The following SRSF12 variants were observed in gnomAD, a reference collection of about 807,000 sequenced individuals.
The protein encoded by SRSF12 is serine and arginine rich splicing factor 12, also known as serine/arginine-rich splicing factor 12.
A neutral mutation model predicts 34.1 loss-of-function variants in SRSF12; 21 were observed. The observed-to-expected ratio is 0.62, with a 90% CI of 0.44 to 0.89. The LOEUF is 0.89. Ranked by LOEUF, SRSF12 falls within the 40% of genes least tolerant of loss-of-function variation. The pLI is 0.00. For synonymous variants in SRSF12, 111 were observed against 110.8 expected, an observed-to-expected ratio of 1.00 and a Z score of -0.01; for missense variants, 278 against 327.8, an observed-to-expected ratio of 0.85 and a Z score of 1.17.
At position 89,096,220 on chromosome 6, in the gene SRSF12, G is replaced by GCAAAAGACATAGGAACAGCAGT. The variant is rs1206498344; in HGVS notation, c.*2336_*2357dup. 1 of 152,038 alleles carries GCAAAAGACATAGGAACAGCAGT rather than the reference G, an allele frequency of 6.6e-6. No individual in the cohort carries two copies. The highest frequency in any genetic ancestry group is 2.4e-5 in the African/African-American group (1 of 41,394). The allele number at this position is 152,038 out of a possible 1,614,324, so 9.4% of individuals were successfully genotyped here. ...ATATACCTGTCAAAGACTTCTCTTT[G>GCAAAAGACATAGGAACAGCAGT]CAAAAGACATAGGAACAGCAGTCAG... On this transcript the variant is annotated 3_prime_UTR_variant, in exon 5 of 5. Coordinates refer to ENST00000452027, the MANE Select transcript of SRSF12 (RefSeq NM_080743.5).
Position 89,117,901 on chromosome 6 carries a change from G to A in SRSF12, c.-14C>T. The A allele has an allele frequency of 6.4e-7, 1 of 1,559,288 alleles. No homozygotes were observed. The highest frequency in any genetic ancestry group is 1.2e-5 in the South Asian group (1 of 85,792). ...GTAGCGAGACATGACCGCTTCCTCC[G>A]TTCCCTCCGGGTCTGCCCGCGGCCG... On this transcript the variant is annotated 5_prime_UTR_variant, in exon 1 of 5. In the 5' UTR this introduces an upstream ATG that the reference lacks. Transcript: ENST00000452027.
chr6:89,117,747 C>T, intron 1 of SRSF12, 76 bp downstream of exon 1: 1 of 1,417,418 alleles, frequency 7.1e-7, no homozygotes, highest in Non-Finnish European at 9.3e-7. Flanking sequence ...CTCCGCCGGG[C>T]CTCGGCCGTG....
At chr6:89,110,401 G>A (rs942420232) in intron 1 of SRSF12, among the ~76,000 whole-genome samples, 3 of 152,104 alleles carry the variant, frequency 2.0e-5, no homozygotes, top group Admixed American at 1.3e-4. Flanking sequence ...CTGGTTACTC[G>A]GTTACACCCT....
intron 4 of SRSF12, among the ~76,000 whole-genome samples, chr6:89,100,274 G>C (rs552230132): frequency 1.0e-3 from 156 of 152,294 alleles, no homozygotes; most frequent in African/African-American, 3.7e-3. Flanking sequence ...AGAGATTAGA[G>C]TTCAAACTCC....
intron 1 of SRSF12, among the ~76,000 whole-genome samples, chr6:89,113,931 C>T (rs1254287480): frequency 1.3e-5 from 2 of 152,220 alleles, no homozygotes; most frequent in Admixed American, 6.5e-5. Context: ...GCATGAGCCA[C>T]TGTGCCCTAT....
At chr6:89,107,540 G>A (rs1219539967) in intron 1 of SRSF12, among the ~76,000 whole-genome samples, 3 of 152,022 alleles carry the variant, frequency 2.0e-5, no homozygotes, top group Middle Eastern at 3.2e-3. Context: ...GACCAGCCTG[G>A]GCAACATGGT....
intron 1 of SRSF12, among the ~76,000 whole-genome samples, chr6:89,117,249 T>C (rs1769347156): frequency 6.6e-6 from 1 of 152,130 alleles, no homozygotes; most frequent in Admixed American, 6.5e-5. Context: ...TCTCATTCAT[T>C]GAAGTTATTT....
At chr6:89,108,299 C>T (rs1054423563) in intron 1 of SRSF12, among the ~76,000 whole-genome samples, 2 of 152,228 alleles carry the variant, frequency 1.3e-5, no homozygotes, top group Non-Finnish European at 2.9e-5. Flanking sequence ...GTTCACCTTA[C>T]AACCACTTAA....
chr6:89,114,035 T>C (rs1437049321), intron 1 of SRSF12, among the ~76,000 whole-genome samples: 1 of 152,242 alleles, frequency 6.6e-6, no homozygotes, highest in Non-Finnish European at 1.5e-5. Context: ...ACAGATTACA[T>C]GTGATGATTC....
Position 89,098,827 on chromosome 6 carries a change from C to T in SRSF12, c.537G>A (p.Arg179=). Reference sequence around the variant, plus strand: ...TCTTTTGTAAGGACTTGGACCTTGACCGTCCTCTAGAGCCAAAATTCCTTC... The same window carrying T: ...TCTTTTGTAAGGACTTGGACCTTGATCGTCCTCTAGAGCCAAAATTCCTTC... ...TPRRNFGSRG[R]SRSKSLQKRS... Residue 179 remains arginine (R), a synonymous_variant, in exon 5 of 5, where the codon CGG becomes CGA. Transcript: ENST00000452027. 1.2e-6 allele frequency: 2 copies of T among 1,613,950 alleles called. No individual in the cohort carries two copies. Among genetic ancestry groups the T allele is most frequent in the Non-Finnish European group, 1.7e-6 (2 of 1,179,880 alleles).
chr6:89,115,993 CA>C (rs1265694003), intron 1 of SRSF12, among the ~76,000 whole-genome samples: 1 of 152,184 alleles, frequency 6.6e-6, no homozygotes, highest in Non-Finnish European at 1.5e-5. Flanking sequence ...ATTACACATA[CA>C]AAATCCAGAT....
At chr6:89,104,268 G>A (rs533650113) in intron 4 of SRSF12, among the ~76,000 whole-genome samples, 2 of 133,924 alleles carry the variant, frequency 1.5e-5, no homozygotes, top group East Asian at 2.2e-4. Flanking sequence ...ACGGAGTCTC[G>A]CTCTGTCGCT....
At chr6:89,100,255 T>C (rs1768476142) in intron 4 of SRSF12, among the ~76,000 whole-genome samples, 1 of 152,100 alleles carries the variant, frequency 6.6e-6, no homozygotes. Context: ...AGACACACAG[T>C]GCTGAGAGAG....
chr6:89,107,288 A>C, intron 1 of SRSF12, 30 bp from the exon 2 acceptor site: 2 of 1,547,240 alleles, frequency 1.3e-6, no homozygotes, highest in Non-Finnish European at 1.8e-6. Context: ...AGGCAAAGAA[A>C]TATGAATAGC....
chr6:89,105,475 C>A lies in SRSF12; in HGVS notation c.226G>T (p.Val76Leu). 6.2e-7 allele frequency: 1 copy of A among 1,612,130 alleles called. No individual in the cohort carries two copies. Among genetic ancestry groups the A allele is most frequent in the Non-Finnish European group, 8.5e-7 (1 of 1,179,294 alleles). ...TGTATTTCAATCTGACGGCCACATA[C>A]CCACTTTCTATTGAGGTTATAAAGA... Reference protein sequence around the residue: ...DALYNLNRKWVCGRQIEIQFA... With the variant: ...DALYNLNRKWLCGRQIEIQFA... Residue 76 changes from valine to leucine, a missense_variant, in exon 3 of 5, where the codon GTA (valine) becomes TTA (leucine). Transcript: ENST00000452027.
chr6:89,105,121 T>C lies in SRSF12; in HGVS notation c.414A>G (p.Lys138=). The C allele has an allele frequency of 1.9e-6, 3 of 1,611,512 alleles. No individual in the cohort carries two copies. The highest frequency in any genetic ancestry group is 2.5e-6 in the Non-Finnish European group (3 of 1,178,472). The change falls in exon 4 of 5, where the codon AAA becomes AAG. Residue 138 remains lysine (K), a splice_region_variant and synonymous_variant. Transcript: ENST00000452027. ...ATTTTCAGTCCTCTTATACTCACTC[T>C]TTAAGGCTGTCTGACCGCCTCCTAT... ...GRNRRRSDSL[K]ESRHRRFSYS...
chr6:89,102,395 T>C (rs1465334096), intron 4 of SRSF12, among the ~76,000 whole-genome samples: 1 of 152,164 alleles, frequency 6.6e-6, no homozygotes, highest in Non-Finnish European at 1.5e-5. Context: ...CCTCCCAAAG[T>C]GCTGAGATGA....
At chr6:89,116,746 G>T (rs1176847880) in intron 1 of SRSF12, among the ~76,000 whole-genome samples, 1 of 149,700 alleles carries the variant, frequency 6.7e-6, no homozygotes, top group African/African-American at 2.5e-5. Context: ...TTGTACTCCA[G>T]CCTGGGGGAC....
Position 89,105,545 on chromosome 6 carries a change from A to C in SRSF12, c.171-15T>G. 6.4e-7 allele frequency: 1 copy of C among 1,556,040 alleles called. No individual in the cohort carries two copies. The highest frequency in any genetic ancestry group is 2.3e-5 in the East Asian group (1 of 44,068). ...CATCTTCAAATATGACTAGCTGTTA[A>C]GGACACTTTGAACATGAGATATCAA... On this transcript the variant is annotated splice_polypyrimidine_tract_variant and intron_variant, in intron 2 of 4. Coordinates refer to ENST00000452027, the MANE Select transcript of SRSF12 (RefSeq NM_080743.5).
Sources: allele counts gnomAD v4.1 joint callset (sites outside exome capture counted in the v4.1 genomes callset), GRCh38; gene constraint gnomAD v4.1.1; transcripts MANE v1.5; gene names NCBI Gene and HGNC (gene_info 2026-07-23, HGNC 2026-07-21).